The following PLCB4 variants were observed in gnomAD, a reference collection of about 807,000 sequenced individuals.
The protein encoded by PLCB4 is phospholipase C beta 4.
In PLCB4, 77 loss-of-function variants were observed where a neutral mutation model predicts 178.8. The observed-to-expected ratio is 0.43, with a 90% CI of 0.36 to 0.52. The LOEUF (loss-of-function observed/expected upper bound fraction) is 0.52. Among genes scored for constraint, PLCB4 ranks in the 20% least tolerant of loss-of-function variants. The pLI is 0.00. For missense variants in PLCB4, 1,024 were observed against 1,453.4 expected (o/e 0.70, Z 4.80); for synonymous variants, 496 against 490.8 (o/e 1.01, Z -0.14).
intron 3 of PLCB4, among the ~76,000 whole-genome samples, chr20:9,269,860 G>T (rs1401870626): frequency 6.6e-6 from 1 of 152,120 alleles, no homozygotes; most frequent in Non-Finnish European, 1.5e-5. Context: ...TCTAAAACCT[G>T]TATCTGTCAA....
At chr20:9,346,155 A>C (rs1446165294) in intron 7 of PLCB4, among the ~76,000 whole-genome samples, 1 of 152,198 alleles carries the variant, frequency 6.6e-6, no homozygotes, top group Admixed American at 6.5e-5. Flanking sequence ...AGTTTTAATT[A>C]TACTGTATAG....
chr20:9,413,430 C>T (rs568633988), intron 25 of PLCB4, among the ~76,000 whole-genome samples: 15 of 151,688 alleles, frequency 9.9e-5, no homozygotes, highest in African/African-American at 3.2e-4. Context: ...GAGGCCGAGG[C>T]GGGCAGATCA....
chr20:9,336,577 A>G (rs979038198), intron 4 of PLCB4, among the ~76,000 whole-genome samples: 5 of 152,128 alleles, frequency 3.3e-5, no homozygotes, highest in African/African-American at 1.2e-4. Context: ...ATATTCTGCA[A>G]TTCAGTAAAG....
At chr20:9,171,706 A>G (rs1934035017) in intron 2 of PLCB4, among the ~76,000 whole-genome samples, 1 of 152,204 alleles carries the variant, frequency 6.6e-6, no homozygotes, top group African/African-American at 2.4e-5. Flanking sequence ...TTGCAACAGT[A>G]TCTGAGACTT....
chr20:9,376,026 G>C (rs2036638066), intron 12 of PLCB4, among the ~76,000 whole-genome samples: 1 of 152,006 alleles, frequency 6.6e-6, no homozygotes, highest in Non-Finnish European at 1.5e-5. Flanking sequence ...GGAGAGGAGA[G>C]ACTATATATA....
At chr20:9,152,168 A>G (rs2146933721) in intron 2 of PLCB4, among the ~76,000 whole-genome samples, 1 of 152,240 alleles carries the variant, frequency 6.6e-6, no homozygotes, top group Non-Finnish European at 1.5e-5. Context: ...AGTTTGGAAA[A>G]TTTGCAAACT....
At chr20:9,304,511 G>A (rs1297559210) in intron 3 of PLCB4, among the ~76,000 whole-genome samples, 1 of 152,088 alleles carries the variant, frequency 6.6e-6, no homozygotes, top group African/African-American at 2.4e-5. Flanking sequence ...ATTAAGTACT[G>A]TTATTTAAAT....
intron 21 of PLCB4, among the ~76,000 whole-genome samples, chr20:9,406,231 A>G (rs2039425931): frequency 6.6e-6 from 1 of 152,184 alleles, no homozygotes; most frequent in Admixed American, 6.5e-5. Flanking sequence ...GACAGTAATG[A>G]GACTGTGTGT....
intron 3 of PLCB4, among the ~76,000 whole-genome samples, chr20:9,236,616 T>G (rs2147383097): frequency 6.6e-6 from 1 of 152,296 alleles, no homozygotes; most frequent in South Asian, 2.1e-4. Flanking sequence ...TTAAGTGCTG[T>G]CTGTCCTTCT....
intron 32 of PLCB4, among the ~76,000 whole-genome samples, chr20:9,451,820 A>T (rs1462660659): frequency 6.6e-6 from 1 of 152,184 alleles, no homozygotes; most frequent in Non-Finnish European, 1.5e-5. Context: ...AGTAAATGTC[A>T]CTATCCCAAT....
At chr20:9,115,945 G>C (rs2091764426) in intron 2 of PLCB4, among the ~76,000 whole-genome samples, 1 of 151,834 alleles carries the variant, frequency 6.6e-6, no homozygotes, top group African/African-American at 2.4e-5. Context: ...TAATGTAACA[G>C]GAATTTGGGA....
At chr20:9,209,438 C>T (rs138057367) in intron 2 of PLCB4, among the ~76,000 whole-genome samples, 130 of 151,218 alleles carry the variant, frequency 8.6e-4, no homozygotes, top group Non-Finnish European at 1.5e-3. Flanking sequence ...GTGACTATGA[C>T]GGGATGTCAC....
chr20:9,422,432 C>T (rs2040707918), intron 27 of PLCB4, among the ~76,000 whole-genome samples: 2 of 152,188 alleles, frequency 1.3e-5, no homozygotes, highest in South Asian at 2.1e-4. Context: ...GTGTAAATTA[C>T]ATGCATAGCT....
At chr20:9,339,259 G>C (rs2032895417) in intron 7 of PLCB4, among the ~76,000 whole-genome samples, 2 of 152,132 alleles carry the variant, frequency 1.3e-5, no homozygotes, top group African/African-American at 4.8e-5. Context: ...ATATGTTGTA[G>C]GGATACTAGT....
intron 2 of PLCB4, among the ~76,000 whole-genome samples, chr20:9,154,611 T>C (rs1044057462): frequency 6.6e-6 from 1 of 152,164 alleles, no homozygotes; most frequent in South Asian, 2.1e-4. Flanking sequence ...AAGCACACTT[T>C]ATGTCATTCA....
chr20:9,145,996 T>C (rs1222431774), intron 2 of PLCB4, among the ~76,000 whole-genome samples: 1 of 152,118 alleles, frequency 6.6e-6, no homozygotes, highest in Non-Finnish European at 1.5e-5. Flanking sequence ...AGAAACTCCA[T>C]GTTCTAGAGG....
chr20:9,353,733 G>T (rs1038432496), intron 7 of PLCB4, among the ~76,000 whole-genome samples: 1 of 152,182 alleles, frequency 6.6e-6, no homozygotes, highest in Non-Finnish European at 1.5e-5. Flanking sequence ...CTTTGGGAAC[G>T]CTGGCCCTTA....
At chr20:9,094,847 G>A (rs1470926743) in intron 1 of PLCB4, among the ~76,000 whole-genome samples, 16 of 152,140 alleles carry the variant, frequency 1.1e-4, no homozygotes, top group Non-Finnish European at 2.9e-5. Flanking sequence ...TCAATCCATC[G>A]TGGCTTTCTT....
intron 12 of PLCB4, among the ~76,000 whole-genome samples, chr20:9,378,209 G>A (rs2036839304): frequency 6.6e-6 from 1 of 151,950 alleles, no homozygotes; most frequent in Non-Finnish European, 1.5e-5. Flanking sequence ...ATATGGATTT[G>A]CCTCATCATC....
Sources: gnomAD v4.1 joint callset for allele counts (sites outside exome capture counted in the v4.1 genomes callset) on GRCh38, gnomAD v4.1.1 for gene constraint, MANE v1.5 for transcripts, NCBI Gene and HGNC (gene_info 2026-07-23, HGNC 2026-07-21) for gene names.